UBE2D2: variants seen among roughly 807,000 people sequenced by gnomAD.
UBE2D2 encodes ubiquitin conjugating enzyme E2 D2.
UBE2D2 carries 2 observed loss-of-function variants against 24.2 expected under a neutral mutation model. The observed-to-expected ratio is 0.08, with a 90% CI of 0.03 to 0.26. The LOEUF (loss-of-function observed/expected upper bound fraction) is 0.26. Among genes scored for constraint, UBE2D2 ranks in the 10% least tolerant of loss-of-function variants. UBE2D2 has a pLI of 1.00. For missense variants in UBE2D2, 44 were observed against 177.6 expected, an observed-to-expected ratio of 0.25 and a Z score of 4.28; for synonymous variants, 58 against 56.5, an observed-to-expected ratio of 1.03 and a Z score of -0.12.
At chr5:139,534,650 C>T (rs914982905) in intron 1 of UBE2D2, among the ~76,000 whole-genome samples, 10 of 150,868 alleles carry the variant, frequency 6.6e-5, no homozygotes, top group Non-Finnish European at 1.2e-4. Flanking sequence ...GCAGGAGAAT[C>T]GCTTGAACCT....
At position 139,610,203 on chromosome 5, in the gene UBE2D2, T is replaced by C. The variant is rs538364986; in HGVS notation, c.89-4383T>C. Among the ~76,000 whole-genome samples the C allele has an allele frequency of 7.2e-5, 11 of 151,778 alleles. No homozygotes were observed. In the South Asian group the frequency reaches 1.3e-3, roughly 17 times the overall value. ...AAAAATAGAGTGAATGAATGAAGAG[T>C]CTACCATACGATAAAAACGCTACAA... is the stretch of plus-strand genomic sequence containing the variant. On this transcript the variant is annotated intron_variant, in intron 2 of 6. Transcript: ENST00000398733.
At chr5:139,615,003 GT>G (rs763012915) in intron 5 of UBE2D2, 37 bp downstream of exon 5, 1 of 1,533,966 alleles carries the variant, frequency 6.5e-7, no homozygotes, top group Non-Finnish European at 8.9e-7. Context: ...TAAAGCAACC[GT>G]GTCTTTTGTC....
intron 1 of UBE2D2, among the ~76,000 whole-genome samples, chr5:139,592,819 G>T (rs905599492): frequency 6.6e-6 from 1 of 150,666 alleles, no homozygotes; most frequent in African/African-American, 2.4e-5. Context: ...AGCCAGGATG[G>T]GTCTCGATCT....
intron 1 of UBE2D2, among the ~76,000 whole-genome samples, chr5:139,550,764 G>C (rs1239077574): frequency 6.6e-6 from 1 of 151,412 alleles, no homozygotes; most frequent in Non-Finnish European, 1.5e-5. Context: ...TACTCACTGT[G>C]AAAGTCTGCA....
intron 1 of UBE2D2, among the ~76,000 whole-genome samples, chr5:139,598,265 TAA>T (rs1430271572): frequency 6.6e-6 from 1 of 152,168 alleles, no homozygotes; most frequent in East Asian, 1.9e-4. Context: ...TGAAACGACA[TAA>T]GAGTCTAAAT....
At chr5:139,599,196 A>G (rs1391752447) in intron 1 of UBE2D2, among the ~76,000 whole-genome samples, 1 of 151,668 alleles carries the variant, frequency 6.6e-6, no homozygotes. Context: ...CGGCCCCACA[A>G]AGTGCTGGGA....
At chr5:139,614,531 C>G in intron 2 of UBE2D2, 55 bp from the exon 3 acceptor site, 1 of 1,586,314 alleles carries the variant, frequency 6.3e-7, no homozygotes, top group South Asian at 1.1e-5. Flanking sequence ...GTTACTATGG[C>G]GTAGATACAA....
chr5:139,560,688 C>T (rs1405945914), upstream of UBE2D2, among the ~76,000 whole-genome samples: 1 of 152,192 alleles, frequency 6.6e-6, no homozygotes, highest in Non-Finnish European at 1.5e-5. Flanking sequence ...GCAGCTGGTA[C>T]AGTGCTTGCT....
intron 2 of UBE2D2, among the ~76,000 whole-genome samples, chr5:139,608,649 T>C (rs1347559608): frequency 6.6e-6 from 1 of 152,176 alleles, no homozygotes; most frequent in African/African-American, 2.4e-5. Flanking sequence ...ATTGGCAGCT[T>C]GTTGGCATTT....
At chr5:139,570,387 C>A (rs1241111862) in intron 1 of UBE2D2, among the ~76,000 whole-genome samples, 1 of 152,198 alleles carries the variant, frequency 6.6e-6, no homozygotes, top group Non-Finnish European at 1.5e-5. Flanking sequence ...GTCGCCCAGG[C>A]TGAAGTGCAG....
In UBE2D2 at chr5:139,527,168, A is replaced by G. The variant is rs559737485; in HGVS notation, c.-64+556A>G. Reference sequence around the variant, plus strand: ...GGCTAGCATTAGAGGTGGGTTGGCTATCAGAAGAAAGCCTGGAGAGGTCCC... The same window carrying G: ...GGCTAGCATTAGAGGTGGGTTGGCTGTCAGAAGAAAGCCTGGAGAGGTCCC... On this transcript the variant is annotated intron_variant, in intron 1 of 6. Coordinates refer to the UBE2D2 transcript ENST00000511725. Among the ~76,000 whole-genome samples the G allele has an allele frequency of 1.4e-4, 21 of 152,336 alleles. No individual in the cohort carries two copies. In the South Asian group the frequency reaches 3.9e-3, roughly 29 times the overall value.
intron 1 of UBE2D2, among the ~76,000 whole-genome samples, chr5:139,568,628 G>T (rs767751288): frequency 1.3e-5 from 2 of 151,688 alleles, no homozygotes; most frequent in African/African-American, 4.8e-5. Context: ...CTGCATTCTA[G>T]CCTGGGCGAC....
At chr5:139,535,451 AAAAAAAACAAAAAAC>A (rs1209942107) in intron 1 of UBE2D2, among the ~76,000 whole-genome samples, 2 of 150,178 alleles carry the variant, frequency 1.3e-5, no homozygotes, top group East Asian at 3.9e-4. Context: ...CTCCGTCTCA[AAAAAAAACAAAAAAC>A]AAAAAAACAA....
At chr5:139,551,756 C>T (rs1474733888) in intron 1 of UBE2D2, among the ~76,000 whole-genome samples, 2 of 152,204 alleles carry the variant, frequency 1.3e-5, no homozygotes, top group African/African-American at 4.8e-5. Flanking sequence ...TGACAGGACT[C>T]TAACCTAGAG....
intron 1 of UBE2D2, among the ~76,000 whole-genome samples, chr5:139,596,842 C>G (rs573380134): frequency 6.6e-6 from 1 of 151,848 alleles, no homozygotes; most frequent in East Asian, 2.0e-4. Context: ...GTCAGGAGAT[C>G]GAGACCATCC....
intron 1 of UBE2D2, among the ~76,000 whole-genome samples, chr5:139,552,433 G>A (rs1434728616): frequency 6.6e-6 from 1 of 151,578 alleles, no homozygotes; most frequent in Non-Finnish European, 1.5e-5. Context: ...CTCCCAAAGT[G>A]TTGGGATTAC....
intron 5 of UBE2D2, among the ~76,000 whole-genome samples, chr5:139,620,586 C>T (rs1229767446): frequency 1.3e-5 from 2 of 152,044 alleles, no homozygotes; most frequent in Non-Finnish European, 2.9e-5. Context: ...AGTCAGAAAA[C>T]ATCTCTCCTG....
chr5:139,526,405 A>G (rs1192064937), upstream of UBE2D2: 1 of 152,170 alleles, frequency 6.6e-6, no homozygotes, highest in African/African-American at 2.4e-5. Flanking sequence ...GCAGCCCCTT[A>G]GGCGGCTTAA....
chr5:139,576,931 C>G (rs1753482681), intron 1 of UBE2D2, among the ~76,000 whole-genome samples: 1 of 125,490 alleles, frequency 8.0e-6, no homozygotes, highest in South Asian at 2.5e-4. Flanking sequence ...AGGCTTGAAA[C>G]TTGGATCTGG....
Sources: gnomAD v4.1 joint callset for allele counts (sites outside exome capture counted in the v4.1 genomes callset) on GRCh38, gnomAD v4.1.1 for gene constraint, MANE v1.5 for transcripts, NCBI Gene and HGNC (gene_info 2026-07-23, HGNC 2026-07-21) for gene names.